The following FBXL17 variants were observed in gnomAD, a reference collection of about 807,000 sequenced individuals.
The protein encoded by FBXL17 is F-box/LRR-repeat protein 17.
FBXL17 carries 22 observed loss-of-function variants against 66.2 expected under a neutral mutation model. The observed-to-expected ratio is 0.33, with a 90% CI of 0.24 to 0.47. The LOEUF is 0.47. Among genes scored for constraint, FBXL17 ranks in the 20% least tolerant of loss-of-function variants. FBXL17 has a pLI of 1.00. For synonymous variants in FBXL17, 474 were observed against 400.5 expected, an observed-to-expected ratio of 1.18 and a Z score of -2.19; for missense variants, 878 against 948.2, an observed-to-expected ratio of 0.93 and a Z score of 0.97.
intron 7 of FBXL17, among the ~76,000 whole-genome samples, chr5:107,904,877 T>C (rs1223397859): frequency 6.6e-6 from 1 of 152,064 alleles, no homozygotes; most frequent in Admixed American, 6.6e-5. Flanking sequence ...GACACAATGC[T>C]GAAGAACCCC....
At chr5:108,201,948 G>T (rs1441394533) in intron 5 of FBXL17, among the ~76,000 whole-genome samples, 1 of 151,340 alleles carries the variant, frequency 6.6e-6, no homozygotes, top group African/African-American at 2.4e-5. Flanking sequence ...AAATAGAGTT[G>T]ATATCCTTTT....
At chr5:108,282,847 TTCTATATATC>T (rs922014552) in intron 4 of FBXL17, among the ~76,000 whole-genome samples, 9 of 151,622 alleles carry the variant, frequency 5.9e-5, no homozygotes, top group Admixed American at 4.6e-4. Flanking sequence ...CCAGTAGTGC[TTCTATATATC>T]AACAATGATC....
At chr5:107,893,864 G>T (rs1201119450) in intron 7 of FBXL17, among the ~76,000 whole-genome samples, 2 of 152,152 alleles carry the variant, frequency 1.3e-5, no homozygotes, top group Admixed American at 1.3e-4. Flanking sequence ...CTTCCACATT[G>T]CAGTGATGAA....
At position 108,024,263 on chromosome 5, in the gene FBXL17, T is replaced by C. The variant is rs181083854; in HGVS notation, c.1746-3262A>G. On this transcript the variant is annotated intron_variant, in intron 6 of 8. Transcript: ENST00000542267. ...AAATTCATAACATGGGAAAATGGCA[T>C]AGTGGATAAATGCTGAGGAATATCA... Among the ~76,000 whole-genome samples the C allele has an allele frequency of 3.3e-3, 501 of 152,256 alleles. 1 individual carries two copies. Among genetic ancestry groups the C allele is most frequent in the Admixed American group, 5.1e-3 (78 of 15,268 alleles).
chr5:107,875,469 A>G (rs993545541), intron 8 of FBXL17, among the ~76,000 whole-genome samples: 1 of 152,166 alleles, frequency 6.6e-6, no homozygotes, highest in South Asian at 2.1e-4. Context: ...ACTTCCTGAA[A>G]TATGCAGTGG....
At chr5:107,954,395 T>C (rs1751593908) in intron 7 of FBXL17, among the ~76,000 whole-genome samples, 1 of 152,182 alleles carries the variant, frequency 6.6e-6, no homozygotes, top group African/African-American at 2.4e-5. Flanking sequence ...GATATCTCAT[T>C]AGGAAAGAGC....
chr5:108,079,108 C>T (rs187480924), intron 6 of FBXL17, among the ~76,000 whole-genome samples: 174 of 152,002 alleles, frequency 1.1e-3, no homozygotes, highest in Non-Finnish European at 2.2e-3. Context: ...CTCAGCCTCC[C>T]AAAGGGGTGG....
At chr5:107,887,246 T>C (rs187569978) in intron 7 of FBXL17, among the ~76,000 whole-genome samples, 2 of 152,166 alleles carry the variant, frequency 1.3e-5, no homozygotes, top group African/African-American at 2.4e-5. Flanking sequence ...AAGCTAAGAA[T>C]AGATAACAAA....
intron 5 of FBXL17, among the ~76,000 whole-genome samples, chr5:108,186,924 T>A (rs1753261889): frequency 6.6e-6 from 1 of 152,182 alleles, no homozygotes; most frequent in African/African-American, 2.4e-5. Context: ...CAATTTCAGA[T>A]ATTACCTTCA....
At chr5:108,236,885 G>A (rs1474531551) in intron 4 of FBXL17, among the ~76,000 whole-genome samples, 3 of 152,154 alleles carry the variant, frequency 2.0e-5, no homozygotes, top group Admixed American at 6.5e-5. Flanking sequence ...CCCTGACTAA[G>A]CTTATACAGG....
At chr5:108,137,699 G>A (rs1156430166) in intron 6 of FBXL17, among the ~76,000 whole-genome samples, 1 of 152,062 alleles carries the variant, frequency 6.6e-6, no homozygotes, top group African/African-American at 2.4e-5. Flanking sequence ...AGATACTCCT[G>A]GACAGGTATC....
chr5:108,353,192 T>C (rs1305473348), intron 3 of FBXL17, among the ~76,000 whole-genome samples: 1 of 152,060 alleles, frequency 6.6e-6, no homozygotes, highest in Non-Finnish European at 1.5e-5. Flanking sequence ...CACTGAAAAA[T>C]TAACAATTCT....
rs147428061 is a variant in FBXL17, at chr5:107,973,250, G to A, written c.1822+47675C>T. Among the ~76,000 whole-genome samples the A allele has an allele frequency of 3.7e-3, 561 of 152,068 alleles. 3 individuals carry two copies. Among genetic ancestry groups the A allele is most frequent in the African/African-American group, 0.012 (504 of 41,428 alleles). ...TTCAGCCTTGTTTTAGAGCAAGCTT[G>A]TCCAACCTGTGGCCTGTGGACCACA... On this transcript the variant is annotated intron_variant, in intron 7 of 8. Transcript: ENST00000542267.
In FBXL17 at chr5:108,382,017, G is replaced by T; in HGVS notation, c.-326C>A. On this transcript the variant is annotated 5_prime_UTR_variant, in exon 1 of 9. It adds an upstream start codon to the 5' untranslated region. Transcript: ENST00000542267. Reference sequence around the variant, plus strand: ...CCCGGCCAGCCGGCTCAGTCAGTCAGCGGAGCGGCCGGGGAAAGGCCGGGT... The same window carrying T: ...CCCGGCCAGCCGGCTCAGTCAGTCATCGGAGCGGCCGGGGAAAGGCCGGGT... 1 of 1,112,486 alleles carries T rather than the reference G, an allele frequency of 9.0e-7. No homozygotes were observed. Among genetic ancestry groups the T allele is most frequent in the African/African-American group, 1.6e-5 (1 of 61,760 alleles). 68.9% of individuals were successfully genotyped at this position (1,112,486 alleles called of 1,614,324 possible).
intron 4 of FBXL17, chr5:108,297,969 C>T (rs1758417315): frequency 1.0e-6 from 1 of 976,480 alleles, no homozygotes; most frequent in Non-Finnish European, 1.2e-6. Context: ...ATAAAAATGG[C>T]ATATGACCCA....
At chr5:108,158,615 G>C (rs891032751) in intron 6 of FBXL17, among the ~76,000 whole-genome samples, 10 of 151,788 alleles carry the variant, frequency 6.6e-5, no homozygotes, top group African/African-American at 2.4e-4. Context: ...TAAAAAAATA[G>C]AGAGACTGGA....
intron 7 of FBXL17, among the ~76,000 whole-genome samples, chr5:108,012,862 A>G (rs1344389568): frequency 1.3e-5 from 2 of 151,964 alleles, no homozygotes; most frequent in Non-Finnish European, 2.9e-5. Flanking sequence ...CTAAAAATAC[A>G]AAATTAGCCG....
At chr5:107,914,193 T>A (rs183342979) in intron 7 of FBXL17, among the ~76,000 whole-genome samples, 4 of 151,946 alleles carry the variant, frequency 2.6e-5, no homozygotes, top group Non-Finnish European at 5.9e-5. Context: ...AATCAGAGAG[T>A]ATAGTCAATT....
intron 4 of FBXL17, among the ~76,000 whole-genome samples, chr5:108,336,895 T>C (rs1760409297): frequency 6.6e-6 from 1 of 152,084 alleles, no homozygotes; most frequent in Non-Finnish European, 1.5e-5. Flanking sequence ...AAAGTATAAA[T>C]GGTTATGTTT....
Sources: gnomAD v4.1 joint callset for allele counts (sites outside exome capture counted in the v4.1 genomes callset) on GRCh38, gnomAD v4.1.1 for gene constraint, MANE v1.5 for transcripts, NCBI Gene and HGNC (gene_info 2026-07-23, HGNC 2026-07-21) for gene names.